The following MYO15A variants were observed in gnomAD, a reference collection of about 807,000 sequenced individuals.
MYO15A encodes the protein myosin XVA.
Under a neutral mutation model 394.6 loss-of-function variants are expected in MYO15A, and 308 were observed. The ratio of observed to expected loss-of-function variants is 0.78; its 90% CI spans 0.71 to 0.86. The LOEUF is 0.86. MYO15A is among the 40% of genes least tolerant of loss of function. The pLI, the probability that MYO15A is intolerant of heterozygous loss-of-function variation, is 0.00. For synonymous variants in MYO15A, 1,957 were observed against 2,003.8 expected, an observed-to-expected ratio of 0.98 and a Z score of 0.62; for missense variants, 4,606 against 4,799.1, an observed-to-expected ratio of 0.96 and a Z score of 1.19.
intron 4 of MYO15A, 142 bp from the exon 5 acceptor site, chr17:18,126,205 G>A: frequency 1.4e-6 from 1 of 720,172 alleles, no homozygotes; most frequent in Non-Finnish European, 2.5e-6. Context: ...AGCTGGTAGA[G>A]GGCTCTAGAT....
intron 18 of MYO15A, 55 bp from the exon 19 acceptor site, chr17:18,139,479 G>C: frequency 6.4e-7 from 1 of 1,566,366 alleles, no homozygotes; most frequent in Non-Finnish European, 8.7e-7. Context: ...GTCCCTCCTA[G>C]GATAGACAGA....
Position 18,133,594 on chromosome 17 carries a change from A to G in MYO15A, c.4482+208A>G, listed in dbSNP as rs549904681. The stretch of plus-strand genomic sequence containing the variant: ...TTTGTGTCTGATATGAATTGCAAAT[A>G]TATATTCCAGTTTGTCATTTATGTT... On this transcript the variant is annotated intron_variant, in intron 12 of 65. Coordinates refer to ENST00000647165, the MANE Select transcript of MYO15A (RefSeq NM_016239.4). 4.6e-5 allele frequency among the ~76,000 whole-genome samples: 7 copies of G among 152,294 alleles called. No individual in the cohort carries two copies. The South Asian group carries it at 1.4e-3, about 32-fold the overall frequency.
intron 4 of MYO15A, 77 bp downstream of exon 4, chr17:18,125,308 G>T (rs2046013452): frequency 1.3e-5 from 18 of 1,408,232 alleles, no homozygotes; most frequent in Non-Finnish European, 1.8e-5. Context: ...GGGACGCACA[G>T]ATTTCTCTTG....
chr17:18,150,529 C>T lies in MYO15A; in HGVS notation c.7313C>T (p.Pro2438Leu), dbSNP rs1238550978. Residue 2438 changes from proline (P) to leucine (L), a missense_variant, in exon 36 of 66, where the codon CCA becomes CTA. Pro to Leu is a moderately conservative substitution (Grantham distance 98). Coordinates refer to ENST00000647165, the MANE Select transcript of MYO15A (RefSeq NM_016239.4). The surrounding 1 kb of genome is among the most constrained non-coding windows in gnomAD (Gnocchi z 4.4). ...SGTEDTPRRP[P>L]EPKPIPGLDA... Reference sequence around the variant, plus strand: ...ACTGAAGACACCCCCAGGAGACCCCCAGAGCCAAAGCCAAGTCAGTGCCTC... The same window carrying T: ...ACTGAAGACACCCCCAGGAGACCCCTAGAGCCAAAGCCAAGTCAGTGCCTC... The T allele has an allele frequency of 6.2e-7, 1 of 1,614,062 alleles. No homozygotes were observed. The highest frequency in any genetic ancestry group is 1.3e-5 in the African/African-American group (1 of 74,930).
Position 18,121,570 on chromosome 17 carries a change from C to A in MYO15A, c.2770C>A (p.Pro924Thr). Residue 924 changes from proline to threonine, a missense_variant, in exon 2 of 66, where the codon CCA (proline) becomes ACA (threonine). By Grantham distance (38) the Pro-to-Thr change is conservative. This residue lies in a region of MYO15A where 1,830 missense variants were observed against 1,689.7 expected (regional missense o/e 1.08). Coordinates refer to ENST00000647165, the MANE Select transcript of MYO15A (RefSeq NM_016239.4). The surrounding 1 kb of genome is among the most constrained non-coding windows in gnomAD (Gnocchi z 5.3). ...CTCAGAGACGCCCTGGACTGTGCCC[C>A]CACTGGCCCCCAGCTGGGACGTGGA... ...EDSETPWTVP[P>T]LAPSWDVDMP... 6.3e-7 allele frequency: 1 copy of A among 1,591,872 alleles called. No individual in the cohort carries two copies. Among genetic ancestry groups the A allele is most frequent in the Non-Finnish European group, 8.6e-7 (1 of 1,169,438 alleles).
chr17:18,120,573 C>A lies in MYO15A; in HGVS notation c.1773C>A (p.Gly591=). 1.3e-6 allele frequency: 2 copies of A among 1,599,600 alleles called. No homozygotes were observed. The highest frequency in any genetic ancestry group is 1.1e-5 in the South Asian group (1 of 89,876). Residue 591 remains glycine, a synonymous_variant, in exon 2 of 66, where the codon GGC becomes GGA. Coordinates refer to ENST00000647165, the MANE Select transcript of MYO15A (RefSeq NM_016239.4). ...AGAAGCCCATCGCGCGGCTCAGGGG[C>A]AGCCAGAAGGCCCGGGCGGGCGGCC... ...SEKKPIARLR[G]SQKARAGGPA...
At chr17:18,149,871 T>G in intron 35 of MYO15A, 1 of 476,230 alleles carries the variant, frequency 2.1e-6, no homozygotes, top group East Asian at 4.1e-5. Flanking sequence ...GAGGATCACT[T>G]GAGCCCAGGA....
rs1163289465 is a variant in MYO15A, at chr17:18,138,688, A to G, written c.5008-123A>G. Reference sequence around the variant, plus strand: ...CCCAGGGAGATGGGCAGCCATGGGAAGCTGTGAGTTGTTCCTCTCTGGTGC... The same window carrying G: ...CCCAGGGAGATGGGCAGCCATGGGAGGCTGTGAGTTGTTCCTCTCTGGTGC... On this transcript the variant is annotated intron_variant, in intron 17 of 65. Coordinates refer to ENST00000647165, the MANE Select transcript of MYO15A (RefSeq NM_016239.4). The G allele has an allele frequency of 5.2e-6, 7 of 1,343,668 alleles. No individual in the cohort carries two copies. In the Admixed American group the frequency reaches 9.7e-5, roughly 19 times the overall value. The allele number at this position is 1,343,668 out of a possible 1,614,324, so 83.2% of individuals were successfully genotyped here.
At position 18,118,655 on chromosome 17, in the gene MYO15A, A is replaced by ACGCC; in HGVS notation, c.-145_-142dup. 7.8e-7 allele frequency: 1 copy of ACGCC among 1,283,186 alleles called. No homozygotes were observed. Among genetic ancestry groups the ACGCC allele is most frequent in the East Asian group, 2.5e-5 (1 of 39,948 alleles). 79.5% of individuals were successfully genotyped at this position (1,283,186 alleles called of 1,614,324 possible). On this transcript the variant is annotated 5_prime_UTR_variant, in exon 2 of 66. An upstream open reading frame in the 5' UTR loses its in-frame stop. Coordinates refer to ENST00000647165, the MANE Select transcript of MYO15A (RefSeq NM_016239.4). ...CCGGAATCCTGGCTCGGCCCTCCCC[A>ACGCC]CGCCACCCAGGGCCAGTCGGGTCTG...
At chr17:18,155,542 CTG>C (rs1243679913) in intron 47 of MYO15A, 110 bp downstream of exon 47, 3 of 1,055,692 alleles carry the variant, frequency 2.8e-6, no homozygotes, top group Non-Finnish European at 4.3e-6. Context: ...GCGCCAGGCT[CTG>C]TGCCAAGCCA....
intron 65 of MYO15A, chr17:18,178,229 G>C: frequency 5.0e-6 from 1 of 198,934 alleles, no homozygotes; most frequent in Admixed American, 5.3e-5. Flanking sequence ...AATTAGCTGG[G>C]CGTGGTGGTG....
At chr17:18,142,482 G>A (rs1362231641) in intron 24 of MYO15A, among the ~76,000 whole-genome samples, 1 of 152,218 alleles carries the variant, frequency 6.6e-6, no homozygotes, top group Non-Finnish European at 1.5e-5. Context: ...GCCAAGAGGG[G>A]CCTTACCCTG....
chr17:18,146,368 A>G (rs556446995), intron 30 of MYO15A, among the ~76,000 whole-genome samples: 1 of 152,326 alleles, frequency 6.6e-6, no homozygotes, highest in South Asian at 2.1e-4. Context: ...CAGCATGTGG[A>G]GAATTTGGAA....
At chr17:18,177,409 G>A (rs972195491) in intron 65 of MYO15A, 5 of 152,218 alleles carry the variant, frequency 3.3e-5, no homozygotes, top group Admixed American at 3.3e-4. Flanking sequence ...AGGGGATCTT[G>A]AGGTGTCCCT....
Position 18,170,329 on chromosome 17 carries a change from T to TTTTTA in MYO15A, c.10083-1275_10083-1271dup, listed in dbSNP as rs139072222. Reference sequence around the variant, plus strand: ...AGGGCTCAATATGTAAAGCTCCTTATTTTTATTTTATTTTATTTTATTTTA... The same window carrying TTTTTA: ...AGGGCTCAATATGTAAAGCTCCTTATTTTTATTTTATTTTATTTTATTTTATTTTA... On this transcript the variant is annotated intron_variant, in intron 62 of 65. Coordinates refer to ENST00000647165, the MANE Select transcript of MYO15A (RefSeq NM_016239.4). 4.3e-3 allele frequency among the ~76,000 whole-genome samples: 626 copies of TTTTTA among 146,052 alleles called. 9 individuals carry two copies. The South Asian group carries it at 0.057, about 13-fold the overall frequency.
intron 24 of MYO15A, 119 bp downstream of exon 24, chr17:18,142,373 C>G: frequency 8.3e-7 from 1 of 1,206,586 alleles, no homozygotes; most frequent in African/African-American, 1.5e-5. Context: ...AGGGTGGAGG[C>G]CTCTGCAGGA....
chr17:18,144,067 C>T (rs2046433519), intron 28 of MYO15A, 67 bp downstream of exon 28: 1 of 1,607,226 alleles, frequency 6.2e-7, no homozygotes, highest in African/African-American at 1.3e-5. Context: ...TGGACATTGT[C>T]CTTGCCCTGG....
chr17:18,109,270 G>A (rs2045692559), intron 1 of MYO15A: 1 of 152,504 alleles, frequency 6.6e-6, no homozygotes, highest in African/African-American at 2.4e-5. Context: ...GGCAAAGGGT[G>A]GGAAATGAGG....
At chr17:18,137,442 G>A (rs2046299619) in intron 15 of MYO15A, 142 bp from the exon 16 acceptor site, 2 of 719,854 alleles carry the variant, frequency 2.8e-6, no homozygotes, top group Admixed American at 2.0e-5. Context: ...TCTGTCCTGG[G>A]TGCAGCAGGA....
Sources: allele counts gnomAD v4.1 joint callset (sites outside exome capture counted in the v4.1 genomes callset), GRCh38; gene constraint gnomAD v4.1.1; regional missense constraint gnomAD v4.1.1; non-coding constraint Gnocchi (gnomAD v3.1); transcripts MANE v1.5; gene names NCBI Gene and HGNC (gene_info 2026-07-23, HGNC 2026-07-21).